Variants in DAAM1 observed in about 807,000 individuals in gnomAD.
The protein encoded by DAAM1 is dishevelled associated activator of morphogenesis 1, also known as disheveled-associated activator of morphogenesis 1.
A neutral mutation model predicts 130.0 loss-of-function variants in DAAM1; 52 were observed. The observed-to-expected ratio is 0.40, with a 90% CI of 0.32 to 0.50. The LOEUF (loss-of-function observed/expected upper bound fraction) is 0.50, where lower values mean the gene tolerates loss of function less well. Among genes scored for constraint, DAAM1 ranks in the 20% least tolerant of loss-of-function variants. The probability of loss-of-function intolerance (pLI) is 0.61; values close to 1 mark genes in which losing one functional copy is unlikely to be tolerated. For synonymous variants in DAAM1, 452 were observed against 444.5 expected, an observed-to-expected ratio of 1.02 and a Z score of -0.21; for missense variants, 1,134 against 1,303.8, an observed-to-expected ratio of 0.87 and a Z score of 2.01.
At chr14:59,212,919 T>C (rs1256155200) in intron 1 of DAAM1, among the ~76,000 whole-genome samples, 1 of 152,194 alleles carries the variant, frequency 6.6e-6, no homozygotes, top group Non-Finnish European at 1.5e-5. Context: ...TGAATTTTAC[T>C]TTTATCAATC....
At chr14:59,338,523 A>G (rs1198155762) in intron 15 of DAAM1, 15 of 1,217,684 alleles carry the variant, frequency 1.2e-5, no homozygotes, top group Middle Eastern at 1.9e-4. Flanking sequence ...TTTTTTACAT[A>G]GTGTAATCTA....
At chr14:59,284,307 T>C (rs542319855) in intron 2 of DAAM1, among the ~76,000 whole-genome samples, 1 of 152,262 alleles carries the variant, frequency 6.6e-6, no homozygotes, top group South Asian at 2.1e-4. Context: ...ATAACAGGAC[T>C]TGATGACTAA....
chr14:59,210,567 T>C (rs1248748777), intron 1 of DAAM1, among the ~76,000 whole-genome samples: 1 of 152,230 alleles, frequency 6.6e-6, no homozygotes, highest in Non-Finnish European at 1.5e-5. Context: ...AAAATATTTC[T>C]CTGTGATTAA....
intron 1 of DAAM1, among the ~76,000 whole-genome samples, chr14:59,235,660 G>T (rs1889273474): frequency 6.6e-6 from 1 of 152,056 alleles, no homozygotes; most frequent in Non-Finnish European, 1.5e-5. Context: ...TCTGATCTTA[G>T]TTATTTCTTG....
At chr14:59,341,026 G>A (rs376662257) in intron 16 of DAAM1, among the ~76,000 whole-genome samples, 47 of 152,318 alleles carry the variant, frequency 3.1e-4, no homozygotes, top group African/African-American at 1.1e-3. Flanking sequence ...TGAAGAGAGG[G>A]AAAGTAGTAG....
intron 1 of DAAM1, among the ~76,000 whole-genome samples, chr14:59,235,260 A>G (rs1269947555): frequency 6.6e-6 from 1 of 152,134 alleles, no homozygotes; most frequent in Non-Finnish European, 1.5e-5. Context: ...TCAGCTGTGA[A>G]TCCATCTGGT....
chr14:59,342,465 A>G (rs1480171327), intron 16 of DAAM1, among the ~76,000 whole-genome samples: 1 of 152,244 alleles, frequency 6.6e-6, no homozygotes, highest in Non-Finnish European at 1.5e-5. Context: ...TTTTTTAACC[A>G]ATCAGCAGTT....
intron 2 of DAAM1, among the ~76,000 whole-genome samples, chr14:59,277,639 G>C (rs1359043411): frequency 6.6e-6 from 1 of 151,914 alleles, no homozygotes; most frequent in Non-Finnish European, 1.5e-5. Context: ...TTGATGCAAA[G>C]GTTTCTCCTT....
intron 3 of DAAM1, 87 bp from the exon 4 acceptor site, chr14:59,315,193 T>C: frequency 1.7e-6 from 2 of 1,189,514 alleles, no homozygotes; most frequent in Admixed American, 1.7e-5. Context: ...AGTGGGTCAT[T>C]GTCTGGGTGC....
Position 59,201,625 on chromosome 14 carries a change from C to T in DAAM1, c.-38+12857C>T, listed in dbSNP as rs182714723. 2.6e-4 allele frequency among the ~76,000 whole-genome samples: 39 copies of T among 151,984 alleles called. No individual in the cohort carries two copies. In the Middle Eastern group the frequency reaches 0.01, roughly 40 times the overall value. The stretch of plus-strand genomic sequence containing the variant: ...AATGAGACTCCATCTCCACGCCCTG[C>T]CTCACCCCCCTTCTAAAAAAAAGTA... On this transcript the variant is annotated intron_variant, in intron 1 of 24. Transcript: ENST00000360909.
intron 5 of DAAM1, 90 bp from the exon 6 acceptor site, chr14:59,322,802 C>A: frequency 9.3e-7 from 1 of 1,077,684 alleles, no homozygotes; most frequent in Non-Finnish European, 1.3e-6. Flanking sequence ...GGAACTAAAT[C>A]TTTCTTTCCC....
intron 1 of DAAM1, among the ~76,000 whole-genome samples, chr14:59,262,337 T>G (rs1882203723): frequency 6.6e-6 from 1 of 152,142 alleles, no homozygotes; most frequent in South Asian, 2.1e-4. Flanking sequence ...TTTGACTTGG[T>G]TTTTTCAATA....
intron 20 of DAAM1, among the ~76,000 whole-genome samples, chr14:59,355,658 A>G (rs533125467): frequency 7.7e-4 from 117 of 152,296 alleles, no homozygotes; most frequent in Non-Finnish European, 1.1e-3. Flanking sequence ...TTATTATAAT[A>G]TACTAAGAAG....
At chr14:59,360,681 G>A in intron 21 of DAAM1, 121 bp from the exon 22 acceptor site, 1 of 719,540 alleles carries the variant, frequency 1.4e-6, no homozygotes. Context: ...AGCATGGAAG[G>A]GAATTTTAAA....
chr14:59,222,169 A>C (rs1462623425), intron 1 of DAAM1, among the ~76,000 whole-genome samples: 1 of 152,184 alleles, frequency 6.6e-6, no homozygotes, highest in East Asian at 1.9e-4. Context: ...GAACATGGTA[A>C]GACTATTGAA....
intron 7 of DAAM1, 28 bp downstream of exon 7, chr14:59,324,266 T>C (rs1461042719): frequency 7.3e-7 from 1 of 1,377,664 alleles, no homozygotes; most frequent in Non-Finnish European, 9.5e-7. Context: ...ATTAAAAATA[T>C]ATTAGTAAAT....
chr14:59,228,968 A>G (rs1382982292), intron 1 of DAAM1, among the ~76,000 whole-genome samples: 1 of 152,168 alleles, frequency 6.6e-6, no homozygotes, highest in African/African-American at 2.4e-5. Flanking sequence ...TAAAAGTTAC[A>G]TTGTATTTAG....
chr14:59,316,424 GC>G (rs1182532350), intron 4 of DAAM1, among the ~76,000 whole-genome samples: 2 of 151,982 alleles, frequency 1.3e-5, no homozygotes, highest in Non-Finnish European at 2.9e-5. Flanking sequence ...CTCTTTTTTA[GC>G]TTTTTTCTTA....
At chr14:59,338,680 A>G (rs1016838737) in intron 15 of DAAM1, among the ~76,000 whole-genome samples, 11 of 151,776 alleles carry the variant, frequency 7.2e-5, no homozygotes, top group Non-Finnish European at 1.6e-4. Flanking sequence ...AAACTGTTAC[A>G]CAGTTCTAGA....
Sources: gnomAD v4.1 joint callset for allele counts (sites outside exome capture counted in the v4.1 genomes callset) on GRCh38, gnomAD v4.1.1 for gene constraint, MANE v1.5 for transcripts, NCBI Gene and HGNC (gene_info 2026-07-23, HGNC 2026-07-21) for gene names.